LRP5: variants seen among roughly 807,000 people sequenced by gnomAD.
The protein encoded by LRP5 is LDL receptor related protein 5.
Under a neutral mutation model 154.1 loss-of-function variants are expected in LRP5, and 62 were observed. That is an observed-to-expected ratio of 0.40 (90% CI 0.33 to 0.50). The LOEUF (loss-of-function observed/expected upper bound fraction) is 0.50, where lower values mean the gene tolerates loss of function less well. Among genes scored for constraint, LRP5 ranks in the 20% least tolerant of loss-of-function variants. LRP5 has a pLI of 0.55. For missense variants in LRP5, 1,915 were observed against 2,336.7 expected (o/e 0.82, Z 3.72); for synonymous variants, 966 against 1,011.5 (o/e 0.96, Z 0.85).
chr11:68,433,633 A>T lies in LRP5; in HGVS notation c.3795A>T (p.Ala1265=), dbSNP rs1178504059. Residue 1265 remains alanine (A), a synonymous_variant, in exon 18 of 23, where the codon GCA becomes GCT. Coordinates refer to ENST00000294304, the MANE Select transcript of LRP5 (RefSeq NM_002335.4). ...CCACCTGCTCCCCGGACCAGTTTGCATGTGCCACAGGGGAGATCGACTGTA... is the reference window on the plus strand; with the variant it reads ...CCACCTGCTCCCCGGACCAGTTTGCTTGTGCCACAGGGGAGATCGACTGTA... ...EPPTCSPDQF[A]CATGEIDCIP... 6.2e-7 allele frequency: 1 copy of T among 1,613,476 alleles called. No homozygotes were observed. The highest frequency in any genetic ancestry group is 8.5e-7 in the Non-Finnish European group (1 of 1,179,990).
chr11:68,357,182 G>A (rs1440268867), intron 2 of LRP5, among the ~76,000 whole-genome samples: 13 of 152,086 alleles, frequency 8.5e-5, no homozygotes, highest in African/African-American at 2.9e-4. Context: ...TGATCCACCC[G>A]CCTTGGCCTC....
chr11:68,401,092 G>A (rs2098652391), intron 7 of LRP5, among the ~76,000 whole-genome samples: 1 of 152,180 alleles, frequency 6.6e-6, no homozygotes, highest in Admixed American at 6.5e-5. Flanking sequence ...CACGCTGGGT[G>A]TCCTTGGAGA....
chr11:68,393,528 C>A (rs2153157186), intron 7 of LRP5, among the ~76,000 whole-genome samples: 1 of 152,368 alleles, frequency 6.6e-6, no homozygotes, highest in Non-Finnish European at 1.5e-5. Flanking sequence ...CGCCTGTAAT[C>A]CCAGCACTTT....
At position 68,347,922 on chromosome 11, in the gene LRP5, C is replaced by T. The variant is rs1315886028; in HGVS notation, c.167C>T (p.Thr56Ile). The change falls in exon 2 of 23, where the codon ACC becomes ATC. Residue 56 changes from threonine to isoleucine, a missense_variant. Physicochemically the swap from Thr to Ile is moderately conservative, Grantham distance 89. Transcript: ENST00000294304. ...VDAGGVKLES[T>I]IVVSGLEDAA... is the part of the protein sequence containing the mutation. ...GCCGGCGGAGTCAAGCTGGAGTCCACCATCGTGGTCAGCGGCCTGGAGGAT... is the reference window on the plus strand; with the variant it reads ...GCCGGCGGAGTCAAGCTGGAGTCCATCATCGTGGTCAGCGGCCTGGAGGAT... 3.1e-6 allele frequency: 5 copies of T among 1,613,610 alleles called. No individual in the cohort carries two copies. Among genetic ancestry groups the T allele is most frequent in the Non-Finnish European group, 4.2e-6 (5 of 1,180,042 alleles).
At chr11:68,369,815 T>C (rs1438101310) in intron 5 of LRP5, among the ~76,000 whole-genome samples, 2 of 152,096 alleles carry the variant, frequency 1.3e-5, no homozygotes, top group Non-Finnish European at 2.9e-5. Flanking sequence ...CTGGACAAGC[T>C]TGGAGACCCC....
intron 1 of LRP5, among the ~76,000 whole-genome samples, chr11:68,314,901 A>G (rs1290134789): frequency 4.6e-5 from 7 of 152,238 alleles, no homozygotes; most frequent in Admixed American, 4.6e-4. Context: ...AACCCGATCC[A>G]GCATTTGTTC....
intron 1 of LRP5, among the ~76,000 whole-genome samples, chr11:68,321,048 T>C (rs2098596447): frequency 6.6e-6 from 1 of 151,418 alleles, no homozygotes; most frequent in South Asian, 2.1e-4. Context: ...TCAGACATTA[T>C]TCTGTCTGGG....
chr11:68,407,978 G>T (rs1290424029), intron 9 of LRP5, among the ~76,000 whole-genome samples: 1 of 152,128 alleles, frequency 6.6e-6, no homozygotes, highest in African/African-American at 2.4e-5. Flanking sequence ...TGTGCCATCC[G>T]CCCCTTTACA....
At chr11:68,412,746 C>T (rs1185630414) in intron 11 of LRP5, among the ~76,000 whole-genome samples, 1 of 152,118 alleles carries the variant, frequency 6.6e-6, no homozygotes, top group East Asian at 1.9e-4. Context: ...CCTGGGCAGC[C>T]CTGACTTTTG....
At chr11:68,298,833 G>A in the LRP5 span, among the ~76,000 whole-genome samples, 5 of 152,142 alleles carry the variant, frequency 3.3e-5, no homozygotes, top group African/African-American at 4.8e-5. Context: ...AAAAGCCTCC[G>A]GTCCTGGGCA....
intron 1 of LRP5, among the ~76,000 whole-genome samples, chr11:68,314,577 T>C (rs112927135): frequency 4.6e-5 from 7 of 152,356 alleles, no homozygotes; most frequent in African/African-American, 1.7e-4. Flanking sequence ...CCTGTTGCAA[T>C]TGGAAGCTGT....
chr11:68,402,793 C>T (rs571208448), intron 7 of LRP5, among the ~76,000 whole-genome samples: 71 of 152,338 alleles, frequency 4.7e-4, no homozygotes, highest in African/African-American at 1.6e-3. Context: ...TCCAGGCAGC[C>T]GCTGCCTGTC....
At chr11:68,430,763 C>T (rs1023234792) in intron 17 of LRP5, among the ~76,000 whole-genome samples, 6 of 152,126 alleles carry the variant, frequency 3.9e-5, no homozygotes, top group African/African-American at 1.4e-4. Context: ...TCCTCTTCTC[C>T]CCCTAGGGCT....
chr11:68,365,726 G>A (rs538858039), intron 5 of LRP5, 24 bp downstream of exon 5: 29 of 1,427,726 alleles, frequency 2.0e-5, no homozygotes, highest in Middle Eastern at 2.6e-4. Context: ...ACGGGACGGG[G>A]CGGGCGGGCG....
chr11:68,425,760 C>T (rs1023266672), intron 15 of LRP5, among the ~76,000 whole-genome samples: 9 of 151,814 alleles, frequency 5.9e-5, no homozygotes, highest in African/African-American at 2.2e-4. Flanking sequence ...AACTGATGGC[C>T]TTCATCCCGA....
chr11:68,418,541 C>T (rs556546510), intron 13 of LRP5, among the ~76,000 whole-genome samples: 5 of 152,248 alleles, frequency 3.3e-5, no homozygotes, highest in East Asian at 3.9e-4. Flanking sequence ...TCACATGGGT[C>T]GCCATGTCCG....
chr11:68,390,844 C>T (rs1198656102), intron 7 of LRP5, among the ~76,000 whole-genome samples: 3 of 138,902 alleles, frequency 2.2e-5, no homozygotes, highest in Admixed American at 7.1e-5. Context: ...GTCCTGTGGA[C>T]GCAGCCTCGC....
intron 11 of LRP5, among the ~76,000 whole-genome samples, 159 bp downstream of exon 11, chr11:68,411,779 G>A (rs1401192554): frequency 3.9e-5 from 6 of 152,236 alleles, no homozygotes; most frequent in Admixed American, 3.9e-4. Context: ...ACCCTCTGCT[G>A]TGGGAGTTGT....
chr11:68,405,064 C>A lies in LRP5; in HGVS notation c.1801+1365C>A, dbSNP rs147030017. On this transcript the variant is annotated intron_variant, in intron 8 of 22. Coordinates refer to ENST00000294304, the MANE Select transcript of LRP5 (RefSeq NM_002335.4). ...AATCTCACTACTCGAGAGGCTGAGG[C>A]GGAGAATTGCTTGAACCCAGGAGGT... Among the ~76,000 whole-genome samples the A allele has an allele frequency of 2.7e-5, 4 of 150,014 alleles. No individual in the cohort carries two copies. The South Asian group carries it at 8.4e-4, about 32-fold the overall frequency.
Sources: allele counts gnomAD v4.1 joint callset (sites outside exome capture counted in the v4.1 genomes callset), GRCh38; gene constraint gnomAD v4.1.1; transcripts MANE v1.5; gene names NCBI Gene and HGNC (gene_info 2026-07-23, HGNC 2026-07-21).